TPRG1: variants seen among roughly 807,000 people sequenced by gnomAD.
TPRG1 encodes the protein tumor protein p63 regulated 1.
In TPRG1, 29 loss-of-function variants were observed where a neutral mutation model predicts 29.3. The ratio of observed to expected loss-of-function variants is 0.99; its 90% confidence interval spans 0.74 to 1.35. The LOEUF (loss-of-function observed/expected upper bound fraction) is 1.35. Among genes scored for constraint, TPRG1 ranks in the 40% most tolerant of loss-of-function variants. The pLI is 0.00. For missense variants in TPRG1, 327 were observed against 335.0 expected, an observed-to-expected ratio of 0.98 and a Z score of 0.19; for synonymous variants, 130 against 116.8, an observed-to-expected ratio of 1.11 and a Z score of -0.73.
chr3:189,240,370 A>G (rs548180106), intron 4 of TPRG1: 11 of 152,088 alleles, frequency 7.2e-5, no homozygotes, highest in Non-Finnish European at 1.5e-4. Context: ...TTTCTTGTGT[A>G]TTTTTAAATA....
At position 189,018,904 on chromosome 3, in the gene TPRG1, C is replaced by G. The variant is rs981423679; in HGVS notation, c.-659-4846C>G. On this transcript the variant is annotated intron_variant, in intron 3 of 10. Transcript: ENST00000433971. The stretch of plus-strand genomic sequence containing the variant: ...CATTTGTTTGTATCCTCTTTTATTT[C>G]CTTGAGCAGTGGATTGTAGTTCTCC... Among the ~76,000 whole-genome samples, 12 of 151,084 alleles carry G rather than the reference C, an allele frequency of 7.9e-5. No individual in the cohort carries two copies. The East Asian group carries it at 1.8e-3, about 22-fold the overall frequency.
At chr3:189,069,693 T>C (rs1302685572) in intron 4 of TPRG1, among the ~76,000 whole-genome samples, 2 of 152,204 alleles carry the variant, frequency 1.3e-5, no homozygotes, top group African/African-American at 4.8e-5. Context: ...TGTATACACA[T>C]GTTCATAGCA....
upstream of TPRG1, among the ~76,000 whole-genome samples, chr3:189,170,713 G>A (rs1199976199): frequency 5.3e-5 from 8 of 152,186 alleles, no homozygotes; most frequent in Non-Finnish European, 7.3e-5. Flanking sequence ...CGACACGGTG[G>A]AAGCAGGTAA....
chr3:189,218,407 C>T (rs1264640701), intron 3 of TPRG1, among the ~76,000 whole-genome samples: 5 of 152,144 alleles, frequency 3.3e-5, no homozygotes, highest in East Asian at 3.9e-4. Context: ...TGAGCCATCG[C>T]GCCCGGCCGA....
chr3:189,039,090 G>C (rs1331104071), intron 4 of TPRG1, among the ~76,000 whole-genome samples: 2 of 152,208 alleles, frequency 1.3e-5, no homozygotes, highest in African/African-American at 2.4e-5. Flanking sequence ...CCTTGACCCA[G>C]AAATTCCCGG....
At chr3:189,056,089 CTT>C (rs1560417995) in intron 4 of TPRG1, among the ~76,000 whole-genome samples, 1 of 128,788 alleles carries the variant, frequency 7.8e-6, no homozygotes, top group Non-Finnish European at 1.6e-5. Context: ...TCCTTCCTTC[CTT>C]CCTTCCTTCC....
Position 189,090,164 on chromosome 3 carries a change from A to G in TPRG1, c.-462-36893A>G, listed in dbSNP as rs147396442. 4.9e-4 allele frequency among the ~76,000 whole-genome samples: 74 copies of G among 152,266 alleles called. No individual in the cohort carries two copies. In the East Asian group the frequency reaches 0.013, roughly 27 times the overall value. On this transcript the variant is annotated intron_variant, in intron 4 of 10. Coordinates refer to the TPRG1 transcript ENST00000433971. Reference sequence around the variant, plus strand: ...TACGGATTCTTCTGAATATTACTTTAATACAAAGCTACATCCCCCAAATTT... The same window carrying G: ...TACGGATTCTTCTGAATATTACTTTGATACAAAGCTACATCCCCCAAATTT...
chr3:189,150,896 T>C (rs912141347), intron 5 of TPRG1: 4 of 152,190 alleles, frequency 2.6e-5, no homozygotes, highest in African/African-American at 7.2e-5. Flanking sequence ...ATAACATTTC[T>C]CCTACAGCCC....
At chr3:189,215,259 C>T (rs1477180439) in intron 2 of TPRG1, 33 bp from the exon 3 acceptor site, 3 of 1,582,070 alleles carry the variant, frequency 1.9e-6, no homozygotes, top group South Asian at 2.3e-5. Flanking sequence ...GCTAAGTCTG[C>T]TCTAAACTAG....
intron 1 of TPRG1, among the ~76,000 whole-genome samples, chr3:189,203,797 T>G (rs1216210014): frequency 6.6e-6 from 1 of 152,182 alleles, no homozygotes; most frequent in Non-Finnish European, 1.5e-5. Flanking sequence ...ATCCCAGGAC[T>G]TTGGGAGACT....
intron 4 of TPRG1, among the ~76,000 whole-genome samples, chr3:189,277,458 G>A (rs958923502): frequency 1.3e-5 from 2 of 152,132 alleles, no homozygotes; most frequent in African/African-American, 2.4e-5. Context: ...TTAAGAATCA[G>A]AATAAATACA....
chr3:189,259,342 G>A (rs145730976), intron 4 of TPRG1, among the ~76,000 whole-genome samples: 1 of 151,428 alleles, frequency 6.6e-6, no homozygotes, highest in East Asian at 2.0e-4. Context: ...TGTCTAATCA[G>A]TCCCAATGAG....
intron 2 of TPRG1, among the ~76,000 whole-genome samples, chr3:189,002,050 C>G (rs1480588570): frequency 6.6e-6 from 1 of 152,194 alleles, no homozygotes; most frequent in African/African-American, 2.4e-5. Flanking sequence ...AACTAGTTAA[C>G]GTGGCCTTTG....
chr3:189,319,674 T>C (rs1227500220), intron 5 of TPRG1, among the ~76,000 whole-genome samples: 1 of 152,120 alleles, frequency 6.6e-6, no homozygotes, highest in Non-Finnish European at 1.5e-5. Flanking sequence ...AAGAGCATTC[T>C]ATTTTTGACT....
chr3:189,140,901 A>G (rs539606386), intron 3 of TPRG1, among the ~76,000 whole-genome samples: 5 of 152,238 alleles, frequency 3.3e-5, no homozygotes, highest in African/African-American at 1.2e-4. Flanking sequence ...TCTGCAGCCC[A>G]AGCTGAGTGC....
chr3:189,221,552 G>A (rs1736936887), intron 3 of TPRG1, among the ~76,000 whole-genome samples: 1 of 152,212 alleles, frequency 6.6e-6, no homozygotes, highest in African/African-American at 2.4e-5. Flanking sequence ...TGGATTTGGT[G>A]CCGTAAGTGG....
intron 4 of TPRG1, among the ~76,000 whole-genome samples, chr3:189,256,141 T>C (rs539027365): frequency 6.6e-6 from 1 of 152,354 alleles, no homozygotes; most frequent in South Asian, 2.1e-4. Context: ...CTTTGTCCTG[T>C]GGGCATTTAG....
intron 4 of TPRG1, among the ~76,000 whole-genome samples, chr3:189,062,750 CA>C (rs1560421792): frequency 6.6e-6 from 1 of 152,028 alleles, no homozygotes; most frequent in South Asian, 2.1e-4. Context: ...CAAAAAACTA[CA>C]AAAGCTGTAC....
intron 1 of TPRG1, among the ~76,000 whole-genome samples, chr3:189,197,260 C>A (rs543410146): frequency 6.9e-4 from 105 of 152,278 alleles, no homozygotes; most frequent in African/African-American, 2.5e-3. Flanking sequence ...TTTTTTTTAT[C>A]TCTCTGCTTC....
Sources: allele counts gnomAD v4.1 joint callset (sites outside exome capture counted in the v4.1 genomes callset), GRCh38; gene constraint gnomAD v4.1.1; transcripts MANE v1.5; gene names NCBI Gene and HGNC (gene_info 2026-07-23, HGNC 2026-07-21).